NRF1: variants seen among roughly 807,000 people sequenced by gnomAD.
NRF1 encodes alpha palindromic-binding protein.
Under a neutral mutation model 58.5 loss-of-function variants are expected in NRF1, and 5 were observed. The ratio of observed to expected loss-of-function variants is 0.09; its 90% CI spans 0.04 to 0.18. The LOEUF (loss-of-function observed/expected upper bound fraction) is 0.18, where lower values mean the gene tolerates loss of function less well. Among genes scored for constraint, NRF1 ranks in the 10% least tolerant of loss-of-function variants. NRF1 has a pLI of 1.00. For synonymous variants in NRF1, 224 were observed against 246.7 expected (o/e 0.91, Z 0.86); for missense variants, 288 against 657.7 (o/e 0.44, Z 6.15).
rs1281410462 is a variant in NRF1, at chr7:129,734,952, C to G, written c.1348+7587C>G. On this transcript the variant is annotated intron_variant, in intron 10 of 10. Coordinates refer to ENST00000393232, the MANE Select transcript of NRF1 (RefSeq NM_005011.5). ...CACCTGTCTCTAACAAAGTTGAGACCAAGGTGGTAGGGCTGTGGATCCTGG... is the reference window on the plus strand; with the variant it reads ...CACCTGTCTCTAACAAAGTTGAGACGAAGGTGGTAGGGCTGTGGATCCTGG... 7 of 589,408 alleles carry G rather than the reference C, an allele frequency of 1.2e-5. No individual in the cohort carries two copies. In the East Asian group the frequency reaches 7.2e-4, roughly 61 times the overall value. 36.5% of individuals were successfully genotyped at this position (589,408 alleles called of 1,614,324 possible).
At chr7:129,652,212 T>C (rs1801552503) in intron 1 of NRF1, among the ~76,000 whole-genome samples, 1 of 152,226 alleles carries the variant, frequency 6.6e-6, no homozygotes, top group Non-Finnish European at 1.5e-5. Context: ...TAAATAATTA[T>C]GTTCTTTTAC....
intron 2 of NRF1, among the ~76,000 whole-genome samples, chr7:129,666,983 C>G (rs1562964737): frequency 6.6e-6 from 1 of 152,148 alleles, no homozygotes; most frequent in African/African-American, 2.4e-5. Context: ...TACTTAACCC[C>G]TACTGCAAAT....
At chr7:129,669,398 G>C (rs1439087743) in intron 2 of NRF1, among the ~76,000 whole-genome samples, 1 of 152,104 alleles carries the variant, frequency 6.6e-6, no homozygotes, top group East Asian at 1.9e-4. Flanking sequence ...AAGTATTTAG[G>C]GGGATCATAT....
intron 1 of NRF1, among the ~76,000 whole-genome samples, chr7:129,629,257 C>G (rs1225328514): frequency 6.7e-6 from 1 of 150,364 alleles, no homozygotes; most frequent in Non-Finnish European, 1.5e-5. Context: ...CAGCTTACAA[C>G]ATAAAACATA....
chr7:129,622,239 A>G (rs747170370), intron 1 of NRF1, among the ~76,000 whole-genome samples: 35 of 152,226 alleles, frequency 2.3e-4, no homozygotes, highest in Non-Finnish European at 4.4e-4. Flanking sequence ...TACGAGCAGA[A>G]AAAATAAACA....
chr7:129,658,596 GAA>G (rs35139001), intron 2 of NRF1, among the ~76,000 whole-genome samples: 83 of 112,326 alleles, frequency 7.4e-4, no homozygotes, highest in Admixed American at 1.2e-3. Flanking sequence ...GTGTCCAGTT[GAA>G]AAAAAAAAAA....
At chr7:129,634,146 C>T (rs1801121251) in intron 1 of NRF1, among the ~76,000 whole-genome samples, 2 of 150,156 alleles carry the variant, frequency 1.3e-5, no homozygotes, top group African/African-American at 4.9e-5. Context: ...TGGAGAGTTA[C>T]CATATTCTCT....
Position 129,755,326 on chromosome 7 carries a change from A to G in NRF1, c.*145A>G. ...TTTTTTTTTAAAAGGAAGAAAGCGG[A>G]TTTTGGAATTGCATTTTTTAAAGCA... On this transcript the variant is annotated 3_prime_UTR_variant, in exon 11 of 11. Coordinates refer to ENST00000393232, the MANE Select transcript of NRF1 (RefSeq NM_005011.5). The surrounding 1 kb of genome is among the most constrained non-coding windows in gnomAD (Gnocchi z 5.8). The G allele has an allele frequency of 1.4e-6, 1 of 715,320 alleles. No homozygotes were observed. Among genetic ancestry groups the G allele is most frequent in the Non-Finnish European group, 2.1e-6 (1 of 483,372 alleles). The allele number at this position is 715,320 out of a possible 1,614,324, so 44.3% of individuals were successfully genotyped here.
intron 5 of NRF1, among the ~76,000 whole-genome samples, chr7:129,703,255 A>T (rs1802875496): frequency 6.6e-6 from 1 of 152,146 alleles, no homozygotes; most frequent in African/African-American, 2.4e-5. Flanking sequence ...TAGAGCCCTA[A>T]ATCAGAATGA....
intron 10 of NRF1, among the ~76,000 whole-genome samples, chr7:129,729,949 C>T (rs918451016): frequency 6.6e-6 from 1 of 152,156 alleles, no homozygotes; most frequent in African/African-American, 2.4e-5. Flanking sequence ...CAATGATTCT[C>T]GTGCCTCAGC....
At chr7:129,626,979 T>TA (rs1285714706) in intron 1 of NRF1, among the ~76,000 whole-genome samples, 3 of 152,232 alleles carry the variant, frequency 2.0e-5, no homozygotes, top group Non-Finnish European at 4.4e-5. Context: ...ATTTTTAAAA[T>TA]ATTCAAACTA....
At chr7:129,749,978 G>A (rs1804074214) in intron 10 of NRF1, among the ~76,000 whole-genome samples, 1 of 152,098 alleles carries the variant, frequency 6.6e-6, no homozygotes, top group Admixed American at 6.5e-5. Flanking sequence ...TGATGAGCCC[G>A]TGGTTCTGGC....
chr7:129,748,274 C>A (rs1219526786), intron 10 of NRF1, among the ~76,000 whole-genome samples: 110 of 77,982 alleles, frequency 1.4e-3, no homozygotes, highest in African/African-American at 3.0e-3. Flanking sequence ...GACTCCGTCT[C>A]AAAAAAAAAA....
chr7:129,719,363 C>T (rs1803263409), intron 9 of NRF1, among the ~76,000 whole-genome samples: 1 of 152,086 alleles, frequency 6.6e-6, no homozygotes, highest in Non-Finnish European at 1.5e-5. Flanking sequence ...AACTCCTAAC[C>T]TCAGGTGATC....
chr7:129,634,688 G>A (rs1473366599), intron 1 of NRF1, among the ~76,000 whole-genome samples: 4 of 152,218 alleles, frequency 2.6e-5, no homozygotes, highest in Non-Finnish European at 5.9e-5. Context: ...ATAAGTTTCA[G>A]CATATTTGAG....
intron 1 of NRF1, among the ~76,000 whole-genome samples, chr7:129,656,794 C>G (rs1369376841): frequency 1.3e-5 from 2 of 152,138 alleles, no homozygotes; most frequent in East Asian, 1.9e-4. Context: ...CCAGGCTGGT[C>G]TCGAACTCCT....
intron 4 of NRF1, among the ~76,000 whole-genome samples, chr7:129,682,809 A>C (rs994654123): frequency 1.3e-5 from 2 of 152,114 alleles, no homozygotes; most frequent in Non-Finnish European, 2.9e-5. Context: ...CCCAAAAAAC[A>C]AACAAAAGAA....
intron 1 of NRF1, among the ~76,000 whole-genome samples, chr7:129,618,139 T>G (rs983008684): frequency 1.3e-5 from 2 of 152,206 alleles, no homozygotes; most frequent in Non-Finnish European, 2.9e-5. Context: ...TAATTTTTAC[T>G]TCACAGTTGT....
At chr7:129,694,500 G>A (rs1369621817) in intron 5 of NRF1, among the ~76,000 whole-genome samples, 1 of 152,130 alleles carries the variant, frequency 6.6e-6, no homozygotes, top group Non-Finnish European at 1.5e-5. Context: ...GAGTAGCTGG[G>A]ACTACAGGCA....
Sources: allele counts gnomAD v4.1 joint callset (sites outside exome capture counted in the v4.1 genomes callset), GRCh38; gene constraint gnomAD v4.1.1; non-coding constraint Gnocchi (gnomAD v3.1); transcripts MANE v1.5; gene names NCBI Gene and HGNC (gene_info 2026-07-23, HGNC 2026-07-21).